Variants in LRP1B observed in about 807,000 individuals in gnomAD.
The protein encoded by LRP1B is low-density lipoprotein receptor-related protein 1B.
In LRP1B, 217 loss-of-function variants were observed where a neutral mutation model predicts 556.6. The ratio of observed to expected loss-of-function variants is 0.39; its 90% CI spans 0.35 to 0.44. LRP1B has a LOEUF of 0.44. LRP1B is among the 20% of genes least tolerant of loss of function. LRP1B has a pLI of 1.00. For missense variants in LRP1B, 5,053 were observed against 5,620.8 expected (o/e 0.90, Z 3.23); for synonymous variants, 2,047 against 1,865.8 (o/e 1.10, Z -2.50).
In LRP1B at chr2:141,089,222, G is replaced by A. The variant is rs553073072; in HGVS notation, c.1014-26949C>T. Among the ~76,000 whole-genome samples, 4 of 152,258 alleles carry A rather than the reference G, an allele frequency of 2.6e-5. No homozygotes were observed. The East Asian group carries it at 7.7e-4, about 29-fold the overall frequency. ...GGCACAGCGGGCTCTTATTTCTGGAGGCTAAAGTCTTCGTATTGTTTTTTA... is the reference window on the plus strand; with the variant it reads ...GGCACAGCGGGCTCTTATTTCTGGAAGCTAAAGTCTTCGTATTGTTTTTTA... On this transcript the variant is annotated intron_variant, in intron 7 of 90. Transcript: ENST00000389484.
intron 2 of LRP1B, among the ~76,000 whole-genome samples, chr2:141,542,714 A>G (rs1295399546): frequency 6.6e-6 from 1 of 152,186 alleles, no homozygotes; most frequent in African/African-American, 2.4e-5. Context: ...AGGAAGAGGT[A>G]GAACATTTTC....
chr2:140,933,420 T>C (rs936496509), intron 20 of LRP1B, among the ~76,000 whole-genome samples: 8 of 152,100 alleles, frequency 5.3e-5, no homozygotes, highest in Non-Finnish European at 1.2e-4. Context: ...TTTGTCTCCA[T>C]GTTGTTTATT....
At chr2:141,537,225 A>C (rs1316498352) in intron 2 of LRP1B, among the ~76,000 whole-genome samples, 1 of 152,080 alleles carries the variant, frequency 6.6e-6, no homozygotes, top group Non-Finnish European at 1.5e-5. Context: ...ATATTAGTGA[A>C]ATGTAATAAA....
intron 1 of LRP1B, among the ~76,000 whole-genome samples, chr2:141,886,922 T>A (rs1699133050): frequency 1.3e-5 from 2 of 151,822 alleles, no homozygotes; most frequent in East Asian, 3.9e-4. Context: ...TTATTTTCTG[T>A]GTGTGTGTAT....
chr2:141,260,391 C>A (rs934023219), intron 3 of LRP1B, among the ~76,000 whole-genome samples: 2 of 152,030 alleles, frequency 1.3e-5, no homozygotes, highest in African/African-American at 4.8e-5. Context: ...TTTAGGACAC[C>A]TTTTCACAAA....
chr2:142,007,916 C>T (rs1702848544), intron 1 of LRP1B, among the ~76,000 whole-genome samples: 1 of 152,168 alleles, frequency 6.6e-6, no homozygotes, highest in Non-Finnish European at 1.5e-5. Context: ...CTACTTCGTT[C>T]AATTGTTAGG....
chr2:141,641,536 T>G (rs1689334704), intron 2 of LRP1B, among the ~76,000 whole-genome samples: 1 of 152,110 alleles, frequency 6.6e-6, no homozygotes, highest in South Asian at 2.1e-4. Context: ...TAAGGGAGCT[T>G]CCAAAACATT....
chr2:141,564,716 G>A (rs972698146), intron 2 of LRP1B, among the ~76,000 whole-genome samples: 1 of 152,062 alleles, frequency 6.6e-6, no homozygotes, highest in African/African-American at 2.4e-5. Flanking sequence ...AAGGACAAGA[G>A]AAATGATATA....
intron 66 of LRP1B, among the ~76,000 whole-genome samples, chr2:140,405,136 A>G (rs2105235883): frequency 6.6e-6 from 1 of 152,360 alleles, no homozygotes; most frequent in East Asian, 1.9e-4. Flanking sequence ...AATGAAATCA[A>G]GATGCAAATG....
chr2:141,533,567 T>C (rs191490498), intron 2 of LRP1B, among the ~76,000 whole-genome samples: 47 of 152,284 alleles, frequency 3.1e-4, no homozygotes, highest in African/African-American at 1.1e-3. Flanking sequence ...TAGATAAGTT[T>C]ACTCTCACCT....
chr2:141,216,889 G>T (rs1429305572), intron 6 of LRP1B, among the ~76,000 whole-genome samples: 1 of 152,120 alleles, frequency 6.6e-6, no homozygotes. Context: ...ATCTTGGAAG[G>T]AAATAACTTG....
At chr2:140,489,238 T>C (rs1212978528) in intron 57 of LRP1B, among the ~76,000 whole-genome samples, 2 of 152,048 alleles carry the variant, frequency 1.3e-5, no homozygotes, top group African/African-American at 4.8e-5. Flanking sequence ...GCAATCTCAT[T>C]TTCTTGAGGT....
chr2:140,624,166 T>C (rs1390562386), intron 41 of LRP1B, among the ~76,000 whole-genome samples: 2 of 151,828 alleles, frequency 1.3e-5, no homozygotes, highest in African/African-American at 4.8e-5. Flanking sequence ...AGATGCAACT[T>C]TGAATCTTCT....
At chr2:140,797,848 T>C (rs1411010278) in intron 32 of LRP1B, among the ~76,000 whole-genome samples, 1 of 152,186 alleles carries the variant, frequency 6.6e-6, no homozygotes, top group Admixed American at 6.5e-5. Context: ...TTTAAAAATA[T>C]GACAAAATAG....
At chr2:140,917,383 A>G (rs2105248767) in intron 21 of LRP1B, among the ~76,000 whole-genome samples, 1 of 152,306 alleles carries the variant, frequency 6.6e-6, no homozygotes, top group Middle Eastern at 3.4e-3. Flanking sequence ...ATGTCCACCC[A>G]AAAGCCTGCA....
At chr2:142,026,778 T>A (rs1032993548) in intron 1 of LRP1B, among the ~76,000 whole-genome samples, 1 of 152,042 alleles carries the variant, frequency 6.6e-6, no homozygotes, top group African/African-American at 2.4e-5. Context: ...AAACCTATAC[T>A]TTGGCCAATT....
chr2:141,672,416 G>T (rs1161896331), intron 2 of LRP1B, among the ~76,000 whole-genome samples: 1 of 152,256 alleles, frequency 6.6e-6, no homozygotes, highest in East Asian at 1.9e-4. Context: ...GGTACTTCTA[G>T]TTCAAATTTA....
intron 7 of LRP1B, among the ~76,000 whole-genome samples, chr2:141,134,016 A>G (rs985739730): frequency 6.6e-6 from 1 of 151,808 alleles, no homozygotes; most frequent in East Asian, 1.9e-4. Context: ...GAGGGACTTG[A>G]TCTCTTACTC....
At chr2:141,494,607 T>C (rs73963309) in intron 2 of LRP1B, among the ~76,000 whole-genome samples, 5,521 of 151,786 alleles carry the variant, frequency 0.036, 355 homozygotes, top group African/African-American at 0.13. Context: ...GAGCTGAATG[T>C]CTTCAATTTA....
Sources: gnomAD v4.1 joint callset for allele counts (sites outside exome capture counted in the v4.1 genomes callset) on GRCh38, gnomAD v4.1.1 for gene constraint, MANE v1.5 for transcripts, NCBI Gene and HGNC (gene_info 2026-07-23, HGNC 2026-07-21) for gene names.